NPSR1: variants seen among roughly 807,000 people sequenced by gnomAD.
NPSR1 encodes the protein neuropeptide S receptor.
NPSR1 carries 48 observed loss-of-function variants against 46.9 expected under a neutral mutation model. The observed-to-expected ratio is 1.02, with a 90% CI of 0.81 to 1.30. NPSR1 has a LOEUF of 1.30. NPSR1 is among the 50% of genes most tolerant of loss of function. The pLI is 0.00. For missense variants in NPSR1, 450 were observed against 449.5 expected, an observed-to-expected ratio of 1.00 and a Z score of -0.01; for synonymous variants, 176 against 168.1, an observed-to-expected ratio of 1.05 and a Z score of -0.36.
chr7:34,749,931 T>C (rs539278814), intron 2 of NPSR1, among the ~76,000 whole-genome samples: 1 of 152,304 alleles, frequency 6.6e-6, no homozygotes, highest in East Asian at 1.9e-4. Context: ...AGGGTCGGGC[T>C]GCTGTTTCTT....
intron 3 of NPSR1, among the ~76,000 whole-genome samples, chr7:34,791,014 T>G (rs1304078003): frequency 8.7e-6 from 1 of 114,926 alleles, no homozygotes; most frequent in Non-Finnish European, 1.6e-5. Context: ...ATATGTTATA[T>G]TATATATGTT....
chr7:34,793,151 A>G (rs1320149674), intron 3 of NPSR1, among the ~76,000 whole-genome samples: 1 of 152,032 alleles, frequency 6.6e-6, no homozygotes, highest in African/African-American at 2.4e-5. Context: ...ACATAGTGAG[A>G]CCCCCATCTA....
intron 8 of NPSR1, chr7:34,877,999 T>A: frequency 1.3e-6 from 1 of 786,540 alleles, no homozygotes; most frequent in South Asian, 1.7e-5. Context: ...CACAGTGAGG[T>A]CACACATTCC....
rs1418622004 is a variant in NPSR1, at chr7:34,811,866, G to A, written c.478+3G>A. Reference sequence around the variant, plus strand: ...CCCCATGAAGTTCCTTCAAGGAGGTGAGCTGGCTTTACCAGGTGCTCTTTC... The same window carrying A: ...CCCCATGAAGTTCCTTCAAGGAGGTAAGCTGGCTTTACCAGGTGCTCTTTC... On this transcript the variant is annotated splice_donor_region_variant and intron_variant, in intron 4 of 8. Coordinates refer to ENST00000360581, the MANE Select transcript of NPSR1 (RefSeq NM_207172.2). The A allele has an allele frequency of 2.5e-6, 4 of 1,608,780 alleles. No homozygotes were observed. Among genetic ancestry groups the A allele is most frequent in the East Asian group, 2.2e-5 (1 of 44,792 alleles).
rs181293595 is a variant in NPSR1, at chr7:34,692,597, T to C, written c.280+7913T>C. Among the ~76,000 whole-genome samples the C allele has an allele frequency of 2.5e-3, 373 of 152,152 alleles. 3 individuals are homozygous for C. The highest frequency in any genetic ancestry group is 3.8e-3 in the Non-Finnish European group (256 of 67,992). On this transcript the variant is annotated intron_variant, in intron 2 of 8. Transcript: ENST00000360581. ...AGAATTCAATGCTTACACTAAAAGA[T>C]AGAAAGATTTCAAATTAACAACCTA...
At chr7:34,739,694 G>C (rs559185208) in intron 2 of NPSR1, among the ~76,000 whole-genome samples, 1 of 152,112 alleles carries the variant, frequency 6.6e-6, no homozygotes, top group Admixed American at 6.6e-5. Context: ...TCTAGCCACC[G>C]AGCAGGTCTA....
chr7:34,827,651 G>GGGGGGCCCCGGGGGGGCC, intron 5 of NPSR1, 49 bp downstream of exon 5: 1 of 613,368 alleles, frequency 1.6e-6, no homozygotes, highest in African/African-American at 1.9e-5. Flanking sequence ...GGCGGGGGGG[G>GGGGGGCCCCGGGGGGGCC]CTTTCCTGTT....
intron 3 of NPSR1, among the ~76,000 whole-genome samples, chr7:34,792,703 A>ATATATATATATG (rs1787975998): frequency 7.9e-5 from 7 of 88,556 alleles, no homozygotes; most frequent in Non-Finnish European, 1.7e-4. Context: ...ATATATACGT[A>ATATATATATATG]TATATATATA....
intron 3 of NPSR1, among the ~76,000 whole-genome samples, chr7:34,787,286 A>C (rs1344255462): frequency 2.0e-5 from 3 of 152,158 alleles, no homozygotes; most frequent in African/African-American, 7.2e-5. Flanking sequence ...GCTAGCTTCA[A>C]ACTTTTCTGC....
chr7:34,750,822 G>C (rs1238497783), intron 2 of NPSR1: 1 of 693,104 alleles, frequency 1.4e-6, no homozygotes, highest in African/African-American at 1.8e-5. Context: ...TGGAACCGCT[G>C]ACACAGCTTT....
In NPSR1 at chr7:34,684,656, C is replaced by T. The variant is rs1792833384; in HGVS notation, c.252C>T (p.Thr84=). 6.2e-7 allele frequency: 1 copy of T among 1,612,600 alleles called. No homozygotes were observed. The highest frequency in any genetic ancestry group is 1.3e-5 in the African/African-American group (1 of 74,812). The part of the protein sequence containing the change: ...TWRRKKKSRM[T]FFVTQLAITD... Reference sequence around the variant, plus strand: ...GGAGAAAGAAGAAGTCAAGAATGACCTTCTTTGTGACTCAGCTGGCCATCA... The same window carrying T: ...GGAGAAAGAAGAAGTCAAGAATGACTTTCTTTGTGACTCAGCTGGCCATCA... The change falls in exon 2 of 9, where the codon ACC becomes ACT. Residue 84 remains threonine, a synonymous_variant. Coordinates refer to ENST00000360581, the MANE Select transcript of NPSR1 (RefSeq NM_207172.2).
rs568861142 is a variant in NPSR1 at position 34,842,226 on chromosome 7, T to C, written c.758-2670T>C. 3.3e-5 allele frequency among the ~76,000 whole-genome samples: 5 copies of C among 152,340 alleles called. No homozygotes were observed. The South Asian group carries it at 1.0e-3, about 32-fold the overall frequency. ...AAATGGGAGAACTGAAGCCGGGAAC[T>C]TTAGACGATTTGCCTAAGTTTACAA... On this transcript the variant is annotated intron_variant, in intron 6 of 8. Coordinates refer to ENST00000360581, the MANE Select transcript of NPSR1 (RefSeq NM_207172.2).
At chr7:34,818,096 C>T (rs1250161959) in intron 4 of NPSR1, among the ~76,000 whole-genome samples, 2 of 148,918 alleles carry the variant, frequency 1.3e-5, no homozygotes, top group East Asian at 4.0e-4. Context: ...AGCAATAAAG[C>T]GTATTCAATT....
chr7:34,846,939 T>C (rs1168614728), intron 7 of NPSR1, among the ~76,000 whole-genome samples: 16 of 152,154 alleles, frequency 1.1e-4, no homozygotes, highest in Admixed American at 1.0e-3. Context: ...AGAGGACTGG[T>C]ATCCCTGTGA....
chr7:34,725,289 G>A (rs1304582630), intron 2 of NPSR1, among the ~76,000 whole-genome samples: 2 of 152,114 alleles, frequency 1.3e-5, no homozygotes, highest in Non-Finnish European at 2.9e-5. Flanking sequence ...TAGCCAAAAT[G>A]GATGTCACAA....
chr7:34,790,857 A>T (rs974802657), intron 3 of NPSR1, among the ~76,000 whole-genome samples: 5 of 135,088 alleles, frequency 3.7e-5, no homozygotes, highest in Non-Finnish European at 7.6e-5. Context: ...GTTATATGTT[A>T]TGTTATATAT....
intron 2 of NPSR1, among the ~76,000 whole-genome samples, chr7:34,757,163 A>C (rs766797138): frequency 7.2e-5 from 11 of 152,092 alleles, no homozygotes; most frequent in Non-Finnish European, 1.2e-4. Flanking sequence ...AAAATTATCT[A>C]ATTATATTAT....
Position 34,834,311 on chromosome 7 carries a change from G to A in NPSR1, c.681-73G>A, listed in dbSNP as rs1022222418. 11 of 1,070,566 alleles carry A rather than the reference G, an allele frequency of 1.0e-5. No individual in the cohort carries two copies. The African/African-American group carries it at 1.4e-4, about 14-fold the overall frequency. The allele number at this position is 1,070,566 out of a possible 1,614,324, so 66.3% of individuals were successfully genotyped here. The stretch of plus-strand genomic sequence containing the variant: ...TCACACCTTGCACTCGGGGAGGTGG[G>A]AGTGGTCTTCTCTGTGTCCTCACAG... On this transcript the variant is annotated intron_variant, in intron 5 of 8. Transcript: ENST00000360581.
intron 3 of NPSR1, among the ~76,000 whole-genome samples, chr7:34,790,862 ATATATGT>A (rs1344006214): frequency 7.5e-6 from 1 of 132,668 alleles, no homozygotes; most frequent in Admixed American, 8.0e-5. Context: ...ATGTTATGTT[ATATATGT>A]TATATGTTAT....
Sources: allele counts gnomAD v4.1 joint callset (sites outside exome capture counted in the v4.1 genomes callset), GRCh38; gene constraint gnomAD v4.1.1; transcripts MANE v1.5; gene names NCBI Gene and HGNC (gene_info 2026-07-23, HGNC 2026-07-21).